The following SPECC1 variants were observed in gnomAD, a reference collection of about 807,000 sequenced individuals.
SPECC1 encodes sperm antigen with calponin homology and coiled-coil domains 1.
SPECC1 carries 62 observed loss-of-function variants against 104.1 expected under a neutral mutation model. The ratio of observed to expected loss-of-function variants is 0.60; its 90% CI spans 0.49 to 0.74. The LOEUF (loss-of-function observed/expected upper bound fraction) is 0.74. Among genes scored for constraint, SPECC1 ranks in the 30% least tolerant of loss-of-function variants. SPECC1 has a pLI of 0.00. For synonymous variants in SPECC1, 513 were observed against 501.6 expected, an observed-to-expected ratio of 1.02 and a Z score of -0.30; for missense variants, 1,306 against 1,310.5, an observed-to-expected ratio of 1.00 and a Z score of 0.05.
At chr17:20,308,779 C>T (rs2041848128) in intron 14 of SPECC1, among the ~76,000 whole-genome samples, 1 of 152,086 alleles carries the variant, frequency 6.6e-6, no homozygotes, top group Non-Finnish European at 1.5e-5. Context: ...ACACATCTGA[C>T]CAGGGTGGAG....
intron 14 of SPECC1, among the ~76,000 whole-genome samples, chr17:20,309,382 A>C (rs2041863984): frequency 6.6e-6 from 1 of 152,182 alleles, no homozygotes; most frequent in South Asian, 2.1e-4. Context: ...ACATATTAGG[A>C]TGAGATCTTT....
intron 10 of SPECC1, among the ~76,000 whole-genome samples, chr17:20,257,133 T>C (rs2039862077): frequency 6.6e-6 from 1 of 152,184 alleles, no homozygotes; most frequent in South Asian, 2.1e-4. Flanking sequence ...AGATACTACC[T>C]GGGGACAGGG....
intron 3 of SPECC1, among the ~76,000 whole-genome samples, chr17:20,138,051 C>T (rs1490481247): frequency 2.0e-5 from 3 of 152,074 alleles, no homozygotes; most frequent in African/African-American, 7.2e-5. Flanking sequence ...TCACTGCAGC[C>T]TTGAACTCCT....
chr17:20,028,971 A>G (rs765183332), intron 1 of SPECC1, among the ~76,000 whole-genome samples: 2 of 152,186 alleles, frequency 1.3e-5, no homozygotes, highest in Non-Finnish European at 2.9e-5. Context: ...CATGTTGGTC[A>G]GGCTGATCTC....
Position 20,205,199 on chromosome 17 carries a change from C to G in SPECC1, c.1150C>G (p.His384Asp), listed in dbSNP as rs762092204. 6.2e-7 allele frequency: 1 copy of G among 1,614,066 alleles called. No individual in the cohort carries two copies. Residue 384 changes from histidine to aspartate, a missense_variant, in exon 4 of 15, where the codon CAC becomes GAC. Coordinates refer to ENST00000395527, the MANE Select transcript of SPECC1 (RefSeq NM_001243439.2). ...TEKIQKMEEN[H>D]HSTAEELQAT... is the part of the protein sequence containing the mutation. ...GAAGATACAAAAGATGGAAGAAAAC[C>G]ACCATAGCACTGCAGAAGAACTACA...
intron 1 of SPECC1, among the ~76,000 whole-genome samples, chr17:20,026,085 A>G (rs1231237930): frequency 6.6e-6 from 1 of 151,398 alleles, no homozygotes; most frequent in African/African-American, 2.4e-5. Context: ...CTTGAGTTGT[A>G]GGAGTTCTTT....
chr17:20,135,252 G>A (rs1348742194), intron 3 of SPECC1, among the ~76,000 whole-genome samples: 2 of 152,140 alleles, frequency 1.3e-5, no homozygotes, highest in African/African-American at 4.8e-5. Flanking sequence ...AGTACAGATG[G>A]TCAGAGTAGA....
chr17:20,158,891 T>C (rs2032863881), intron 3 of SPECC1, among the ~76,000 whole-genome samples: 2 of 151,918 alleles, frequency 1.3e-5, no homozygotes, highest in South Asian at 4.1e-4. Flanking sequence ...CCCAAGTAGC[T>C]AGGACAACAG....
chr17:20,121,773 T>G (rs1248152154), intron 3 of SPECC1, among the ~76,000 whole-genome samples: 1 of 152,196 alleles, frequency 6.6e-6, no homozygotes, highest in East Asian at 1.9e-4. Flanking sequence ...AGTGAAAGGT[T>G]GTGGAACCCC....
At chr17:20,200,034 A>T (rs1287988526) in intron 3 of SPECC1, among the ~76,000 whole-genome samples, 1 of 152,036 alleles carries the variant, frequency 6.6e-6, no homozygotes, top group African/African-American at 2.4e-5. Context: ...CTTGTGATCC[A>T]CCCGCCTTGA....
At chr17:20,135,753 C>A (rs1416779604) in intron 3 of SPECC1, among the ~76,000 whole-genome samples, 1 of 152,142 alleles carries the variant, frequency 6.6e-6, no homozygotes, top group Non-Finnish European at 1.5e-5. Flanking sequence ...TGCCTGATCC[C>A]AACATACATT....
chr17:20,293,066 C>T (rs188006484), intron 12 of SPECC1, among the ~76,000 whole-genome samples: 12 of 152,270 alleles, frequency 7.9e-5, no homozygotes, highest in Non-Finnish European at 1.5e-4. Flanking sequence ...TTCAGGTAAA[C>T]CCTACATGTG....
intron 3 of SPECC1, among the ~76,000 whole-genome samples, chr17:20,175,241 C>G (rs1227342734): frequency 1.3e-5 from 2 of 152,212 alleles, no homozygotes; most frequent in Non-Finnish European, 2.9e-5. Context: ...ACCACCACCT[C>G]CACTCATAAG....
At position 20,217,081 on chromosome 17, in the gene SPECC1, G is replaced by A. The variant is rs78910465; in HGVS notation, c.1864-10332G>A. 2.7e-4 allele frequency among the ~76,000 whole-genome samples: 41 copies of A among 152,254 alleles called. No individual in the cohort carries two copies. The East Asian group carries it at 7.2e-3, about 27-fold the overall frequency. ...AATAGGGCCTGGATCCCCTGCAGTCGTGGAAGGGTAGGCTTTGGTCTCAGC... is the reference window on the plus strand; with the variant it reads ...AATAGGGCCTGGATCCCCTGCAGTCATGGAAGGGTAGGCTTTGGTCTCAGC... On this transcript the variant is annotated intron_variant, in intron 4 of 14. Transcript: ENST00000395527.
intron 1 of SPECC1, among the ~76,000 whole-genome samples, chr17:20,059,358 T>C (rs1358498743): frequency 6.6e-6 from 1 of 151,958 alleles, no homozygotes; most frequent in Non-Finnish European, 1.5e-5. Flanking sequence ...CACAATAGGG[T>C]TCATGGTCCT....
intron 3 of SPECC1, among the ~76,000 whole-genome samples, chr17:20,140,759 A>C (rs139028684): frequency 4.8e-4 from 73 of 152,290 alleles, no homozygotes; most frequent in African/African-American, 1.6e-3. Flanking sequence ...GATTATCTGT[A>C]AAATGTTCAG....
intron 3 of SPECC1, among the ~76,000 whole-genome samples, chr17:20,157,472 A>C (rs1385160981): frequency 6.6e-6 from 1 of 152,240 alleles, no homozygotes; most frequent in Non-Finnish European, 1.5e-5. Context: ...ATATGCATAA[A>C]ATAAAAATAA....
chr17:20,267,587 T>C (rs111856272), intron 12 of SPECC1, among the ~76,000 whole-genome samples: 1,935 of 151,912 alleles, frequency 0.013, 47 homozygotes, highest in African/African-American at 0.044. Context: ...GTTGGGGAAA[T>C]TCAAAGCATG....
intron 4 of SPECC1, among the ~76,000 whole-genome samples, chr17:20,213,306 A>C (rs2037278953): frequency 6.6e-6 from 1 of 152,012 alleles, no homozygotes; most frequent in Admixed American, 6.6e-5. Context: ...CTCTGTTGAC[A>C]AGGCTGATCT....
Sources: gnomAD v4.1 joint callset for allele counts (sites outside exome capture counted in the v4.1 genomes callset) on GRCh38, gnomAD v4.1.1 for gene constraint, MANE v1.5 for transcripts, NCBI Gene and HGNC (gene_info 2026-07-23, HGNC 2026-07-21) for gene names.